GRID1: variants seen among roughly 807,000 people sequenced by gnomAD.
GRID1 encodes the protein glutamate ionotropic receptor delta type subunit 1.
GRID1 carries 28 observed loss-of-function variants against 98.0 expected under a neutral mutation model. The observed-to-expected ratio is 0.29, with a 90% CI of 0.21 to 0.39. GRID1 has a LOEUF of 0.39. Ranked by LOEUF, GRID1 falls within the 10% of genes least tolerant of loss-of-function variation. GRID1 has a pLI of 1.00. For synonymous variants in GRID1, 553 were observed against 538.5 expected (o/e 1.03, Z -0.37); for missense variants, 1,111 against 1,340.5 (o/e 0.83, Z 2.67).
chr10:86,099,935 C>T (rs1197318044), intron 4 of GRID1, among the ~76,000 whole-genome samples: 1 of 152,194 alleles, frequency 6.6e-6, no homozygotes, highest in Non-Finnish European at 1.5e-5. Context: ...TCAGCACCCT[C>T]ATGGGGCTGG....
chr10:85,973,292 AC>A (rs1160798925), intron 4 of GRID1, among the ~76,000 whole-genome samples: 1 of 152,062 alleles, frequency 6.6e-6, no homozygotes, highest in Non-Finnish European at 1.5e-5. Context: ...GGATCTATTT[AC>A]TTTTTAAATA....
At chr10:85,851,643 CTG>C (rs923861228) in intron 8 of GRID1, among the ~76,000 whole-genome samples, 59 of 152,286 alleles carry the variant, frequency 3.9e-4, no homozygotes, top group African/African-American at 1.4e-3. Context: ...CTGAAAGAAA[CTG>C]TTTTGTCTGT....
At chr10:86,071,241 G>A (rs1843799723) in intron 4 of GRID1, among the ~76,000 whole-genome samples, 1 of 152,196 alleles carries the variant, frequency 6.6e-6, no homozygotes, top group Admixed American at 6.5e-5. Context: ...GGGACAGCAG[G>A]GAAATGGGCT....
At chr10:86,334,224 C>T (rs1353311577) in intron 2 of GRID1, among the ~76,000 whole-genome samples, 1 of 152,138 alleles carries the variant, frequency 6.6e-6, no homozygotes, top group African/African-American at 2.4e-5. Flanking sequence ...GCTCACATAT[C>T]AATTAAAATT....
chr10:86,276,926 G>T (rs1246280869), intron 2 of GRID1, among the ~76,000 whole-genome samples: 1 of 151,652 alleles, frequency 6.6e-6, no homozygotes, highest in Non-Finnish European at 1.5e-5. Context: ...TTTTTCAAAA[G>T]AGAGAGCCAT....
chr10:86,109,724 G>A (rs1844447906), intron 4 of GRID1, among the ~76,000 whole-genome samples: 1 of 152,160 alleles, frequency 6.6e-6, no homozygotes, highest in South Asian at 2.1e-4. Flanking sequence ...GTCTAGATGG[G>A]ATCTGGGCCT....
rs1439640964 is a variant in GRID1, at chr10:85,600,695, C to G, written c.*1578G>C. On this transcript the variant is annotated 3_prime_UTR_variant, in exon 16 of 16. Coordinates refer to ENST00000327946, the MANE Select transcript of GRID1 (RefSeq NM_017551.3). ...TAGGAGAGGAACTGAAGTGACACAA[C>G]TCAGATTCCCCCAGTTCCACTCCTA... 6.6e-6 allele frequency: 1 copy of G among 152,222 alleles called. No homozygotes were observed. Among genetic ancestry groups the G allele is most frequent in the Non-Finnish European group, 1.5e-5 (1 of 68,066 alleles). The allele number at this position is 152,222 out of a possible 1,614,324, so 9.4% of individuals were successfully genotyped here. A position where few individuals can be genotyped will look rare whatever the true frequency, so the allele number is the denominator to read the frequency against.
chr10:86,143,398 A>T (rs996660331), intron 3 of GRID1, among the ~76,000 whole-genome samples: 6 of 152,042 alleles, frequency 3.9e-5, no homozygotes, highest in Admixed American at 3.9e-4. Flanking sequence ...TCCCCCCAAA[A>T]AACCTGACTG....
chr10:86,196,277 C>T (rs1254199987), intron 3 of GRID1, among the ~76,000 whole-genome samples: 1 of 152,070 alleles, frequency 6.6e-6, no homozygotes, highest in Non-Finnish European at 1.5e-5. Context: ...GGCTTCAGGG[C>T]TCCTAGCACA....
intron 4 of GRID1, among the ~76,000 whole-genome samples, chr10:85,936,705 C>T (rs1841931957): frequency 6.6e-6 from 1 of 152,050 alleles, no homozygotes; most frequent in South Asian, 2.1e-4. Flanking sequence ...GCATAAGGAT[C>T]CCTTTGCCCT....
intron 2 of GRID1, among the ~76,000 whole-genome samples, chr10:86,264,037 G>A (rs1048374447): frequency 1.3e-5 from 2 of 152,182 alleles, no homozygotes; most frequent in South Asian, 2.1e-4. Context: ...CCCACCTGCC[G>A]GGTCAGGTGT....
chr10:86,172,345 TGTG>T (rs1157793265), intron 3 of GRID1, among the ~76,000 whole-genome samples: 1 of 152,254 alleles, frequency 6.6e-6, no homozygotes, highest in Non-Finnish European at 1.5e-5. Flanking sequence ...CATTACTTTT[TGTG>T]GCCAAATAAT....
intron 4 of GRID1, among the ~76,000 whole-genome samples, chr10:86,038,969 G>A (rs1843308923): frequency 1.3e-5 from 2 of 152,130 alleles, no homozygotes; most frequent in East Asian, 3.9e-4. Flanking sequence ...CAACAAACAA[G>A]CCCAGCCAAT....
chr10:85,793,802 AAT>A (rs1271076484), intron 8 of GRID1, among the ~76,000 whole-genome samples: 2 of 152,224 alleles, frequency 1.3e-5, no homozygotes, highest in Non-Finnish European at 2.9e-5. Context: ...TCTTAGGTTG[AAT>A]GATTTAACCT....
chr10:85,755,306 T>C (rs1303030550), intron 8 of GRID1, among the ~76,000 whole-genome samples: 2 of 152,222 alleles, frequency 1.3e-5, no homozygotes, highest in Non-Finnish European at 2.9e-5. Flanking sequence ...GCTCCTGGGA[T>C]TTCATTCAGC....
At chr10:86,169,668 C>G (rs1845453529) in intron 3 of GRID1, among the ~76,000 whole-genome samples, 1 of 152,194 alleles carries the variant, frequency 6.6e-6, no homozygotes, top group Admixed American at 6.5e-5. Flanking sequence ...GCAGTCCAGC[C>G]TGGGATTTCT....
At chr10:85,705,388 C>G (rs944930410) in intron 12 of GRID1, among the ~76,000 whole-genome samples, 1 of 152,292 alleles carries the variant, frequency 6.6e-6, no homozygotes, top group African/African-American at 2.4e-5. Flanking sequence ...GAAACATACA[C>G]TCTCCCAAGA....
intron 4 of GRID1, among the ~76,000 whole-genome samples, chr10:85,978,375 CA>C (rs1842501225): frequency 6.6e-6 from 1 of 152,172 alleles, no homozygotes. Context: ...GGTAGCTTAC[CA>C]CAAAGAACAT....
chr10:85,854,476 A>T lies in GRID1; in HGVS notation c.1233+20T>A. ...GGCACCATAGCAGGAAGATTGGAAG[A>T]CAGGGAGCCTGAGGCTTACCTTGCG... On this transcript the variant is annotated intron_variant, in intron 8 of 15. Coordinates refer to ENST00000327946, the MANE Select transcript of GRID1 (RefSeq NM_017551.3). 1.2e-6 allele frequency: 2 copies of T among 1,612,706 alleles called. No homozygotes were observed.
Sources: allele counts gnomAD v4.1 joint callset (sites outside exome capture counted in the v4.1 genomes callset), GRCh38; gene constraint gnomAD v4.1.1; transcripts MANE v1.5; gene names NCBI Gene and HGNC (gene_info 2026-07-23, HGNC 2026-07-21).